The following FANCL variants were observed in gnomAD, a reference collection of about 807,000 sequenced individuals.
FANCL encodes FA complementation group L, also known as E3 ubiquitin-protein ligase FANCL.
FANCL carries 69 observed loss-of-function variants against 59.4 expected under a neutral mutation model. The ratio of observed to expected loss-of-function variants is 1.16; its 90% CI spans 0.96 to 1.42. The LOEUF is 1.42. Among genes scored for constraint, FANCL ranks in the 40% most tolerant of loss-of-function variants. FANCL has a pLI of 0.00. For synonymous variants in FANCL, 180 were observed against 147.1 expected (o/e 1.22, Z -1.62); for missense variants, 519 against 447.2 (o/e 1.16, Z -1.45).
rs75077933 is a variant in FANCL, at chr2:58,195,719, C to T, written c.540+2875G>A. On this transcript the variant is annotated intron_variant, in intron 7 of 13. Coordinates refer to ENST00000233741, the MANE Select transcript of FANCL (RefSeq NM_018062.4). The stretch of plus-strand genomic sequence containing the variant: ...TATAATAAAAGGAAAAAAATATAGG[C>T]TAAGGCTATGGACACAATAATAACT... Among the ~76,000 whole-genome samples, 627 of 151,946 alleles carry T rather than the reference C, an allele frequency of 4.1e-3. 7 individuals are homozygous for T. Among genetic ancestry groups the T allele is most frequent in the African/African-American group, 0.014 (595 of 41,456 alleles).
At chr2:58,209,463 T>C (rs1391529996) in intron 5 of FANCL, among the ~76,000 whole-genome samples, 5 of 152,058 alleles carry the variant, frequency 3.3e-5, no homozygotes, top group African/African-American at 9.7e-5. Context: ...TTTATAAAGG[T>C]TTTCAGTTTA....
intron 6 of FANCL, among the ~76,000 whole-genome samples, chr2:58,200,846 T>A (rs1017643706): frequency 6.7e-6 from 1 of 149,892 alleles, no homozygotes; most frequent in Non-Finnish European, 1.5e-5. Context: ...TATATTTTTA[T>A]ATTTGTAATA....
chr2:58,217,398 GT>G (rs1347819184), intron 5 of FANCL, among the ~76,000 whole-genome samples: 2 of 150,372 alleles, frequency 1.3e-5, no homozygotes, highest in African/African-American at 4.9e-5. Flanking sequence ...GCCTCTTCCA[GT>G]TTCTGGTGGC....
intron 5 of FANCL, among the ~76,000 whole-genome samples, chr2:58,217,213 TATACACAC>T (rs1446720169): frequency 3.1e-3 from 24 of 7,724 alleles, no homozygotes; most frequent in East Asian, 5.0e-3. Flanking sequence ...TATATATATA[TATACACAC>T]ACACACACAC....
intron 7 of FANCL, among the ~76,000 whole-genome samples, chr2:58,179,086 C>T (rs185622179): frequency 1.4e-4 from 21 of 152,084 alleles, no homozygotes; most frequent in Admixed American, 1.4e-3. Context: ...TAAGAGAGGA[C>T]ACAAACAAAT....
chr2:58,190,815 T>C (rs543465332), intron 7 of FANCL, among the ~76,000 whole-genome samples: 12 of 151,894 alleles, frequency 7.9e-5, no homozygotes, highest in Non-Finnish European at 1.8e-4. Context: ...AACTCCAATA[T>C]TTTCCAATTC....
At chr2:58,170,341 G>T (rs573144891) in intron 7 of FANCL, among the ~76,000 whole-genome samples, 1 of 152,306 alleles carries the variant, frequency 6.6e-6, no homozygotes, top group Admixed American at 6.5e-5. Flanking sequence ...AATCCTGATA[G>T]ATCTTGTCAC....
intron 7 of FANCL, among the ~76,000 whole-genome samples, chr2:58,188,374 T>A (rs1456088647): frequency 6.6e-6 from 1 of 152,182 alleles, no homozygotes; most frequent in Non-Finnish European, 1.5e-5. Context: ...ATTTTAACTA[T>A]CACAGGACCT....
chr2:58,222,606 C>T (rs989451192), intron 4 of FANCL, among the ~76,000 whole-genome samples: 1 of 152,018 alleles, frequency 6.6e-6, no homozygotes, highest in African/African-American at 2.4e-5. Flanking sequence ...GGCTAGATTA[C>T]AGTCCCGTTC....
At chr2:58,203,779 A>G (rs1690293845) in intron 6 of FANCL, among the ~76,000 whole-genome samples, 1 of 152,092 alleles carries the variant, frequency 6.6e-6, no homozygotes, top group Non-Finnish European at 1.5e-5. Flanking sequence ...TGAATGCAAA[A>G]GATTTTCTCA....
At chr2:58,186,678 T>C (rs1223992106) in intron 7 of FANCL, among the ~76,000 whole-genome samples, 2 of 152,130 alleles carry the variant, frequency 1.3e-5, no homozygotes, top group African/African-American at 4.8e-5. Flanking sequence ...CTTACAGGTG[T>C]AGATATGTAT....
intron 7 of FANCL, among the ~76,000 whole-genome samples, chr2:58,186,407 A>G (rs182888427): frequency 1.3e-5 from 2 of 152,328 alleles, no homozygotes; most frequent in East Asian, 3.9e-4. Flanking sequence ...GCAAAGCCAG[A>G]GACAAGGACA....
chr2:58,209,678 TTTA>T (rs1292261897), intron 5 of FANCL, among the ~76,000 whole-genome samples: 2 of 152,170 alleles, frequency 1.3e-5, no homozygotes, highest in African/African-American at 2.4e-5. Flanking sequence ...CTTTGAAATC[TTTA>T]TTATTAGGCA....
chr2:58,217,448 T>C (rs72948876), intron 5 of FANCL, among the ~76,000 whole-genome samples: 10,148 of 149,882 alleles, frequency 0.068, 1,174 homozygotes, highest in African/African-American at 0.24. Context: ...TGAAAGAAAA[T>C]AGAGAAAAAG....
intron 6 of FANCL, 84 bp from the exon 7 acceptor site, chr2:58,198,746 G>A (rs756339078): frequency 1.8e-6 from 2 of 1,096,630 alleles, no homozygotes; most frequent in Non-Finnish European, 2.8e-6. Flanking sequence ...AGATGTATTA[G>A]GGGCCGGGCG....
intron 4 of FANCL, 31 bp downstream of exon 4, chr2:58,226,697 T>C (rs1558819209): frequency 2.0e-6 from 3 of 1,536,180 alleles, no homozygotes; most frequent in Non-Finnish European, 2.7e-6. Flanking sequence ...TGCAGTATGG[T>C]AACAGTGTCA....
chr2:58,161,404 T>C, intron 12 of FANCL, 118 bp downstream of exon 12: 3 of 762,748 alleles, frequency 3.9e-6, no homozygotes, highest in African/African-American at 3.4e-5. Flanking sequence ...AAGGAGTTAA[T>C]GGCAAAAGAG....
At chr2:58,200,191 A>G (rs918994079) in intron 6 of FANCL, among the ~76,000 whole-genome samples, 6 of 152,068 alleles carry the variant, frequency 3.9e-5, no homozygotes, top group African/African-American at 1.4e-4. Context: ...GATGTGCTTC[A>G]GAGTATCATT....
chr2:58,206,513 A>G (rs1690600647), intron 5 of FANCL, among the ~76,000 whole-genome samples: 1 of 151,880 alleles, frequency 6.6e-6, no homozygotes, highest in South Asian at 2.1e-4. Flanking sequence ...AGAAAAAACT[A>G]CATCACCACC....
Sources: allele counts gnomAD v4.1 joint callset (sites outside exome capture counted in the v4.1 genomes callset), GRCh38; gene constraint gnomAD v4.1.1; transcripts MANE v1.5; gene names NCBI Gene and HGNC (gene_info 2026-07-23, HGNC 2026-07-21).